Variants in YTHDC2 observed in about 807,000 individuals in gnomAD.
YTHDC2 encodes the protein 3'-5' RNA helicase YTHDC2.
YTHDC2 carries 45 observed loss-of-function variants against 174.9 expected under a neutral mutation model. The ratio of observed to expected loss-of-function variants is 0.26; its 90% CI spans 0.20 to 0.33. YTHDC2 has a LOEUF of 0.33. Ranked by LOEUF, YTHDC2 falls within the 10% of genes least tolerant of loss-of-function variation. The pLI is 1.00. For synonymous variants in YTHDC2, 657 were observed against 574.5 expected (o/e 1.14, Z -2.05); for missense variants, 1,650 against 1,723.7 (o/e 0.96, Z 0.76).
chr5:113,551,815 A>G (rs563959126), intron 12 of YTHDC2, among the ~76,000 whole-genome samples: 4 of 152,300 alleles, frequency 2.6e-5, no homozygotes, highest in Admixed American at 2.0e-4. Flanking sequence ...CCCATTGAAA[A>G]TAGTCTTACG....
In YTHDC2 at chr5:113,549,033, A is replaced by C. The variant is rs775510094; in HGVS notation, c.1688+13A>C. On this transcript the variant is annotated intron_variant, in intron 12 of 29. Coordinates refer to ENST00000161863, the MANE Select transcript of YTHDC2 (RefSeq NM_022828.5). ...TAGAATCTTACAGGTAAAACTTTGT[A>C]CTATTTTAAATTAATTCTACCGTCT... is the stretch of plus-strand genomic sequence containing the variant. 1.0e-5 allele frequency: 16 copies of C among 1,597,140 alleles called. No individual in the cohort carries two copies. The highest frequency in any genetic ancestry group is 1.4e-5 in the Non-Finnish European group (16 of 1,166,372).
At position 113,567,176 on chromosome 5, in the gene YTHDC2, T is replaced by TG. The variant is rs776887534; in HGVS notation, c.2929dup (p.Ala977GlyfsTer6). ...TGGGCTGTCGTTAAAGCTGCATTGG[T>TG]GGCAGGCATGTATCCTAATTTAGTC... On this transcript the variant is annotated frameshift_variant, in exon 22 of 30. Coordinates refer to ENST00000161863, the MANE Select transcript of YTHDC2 (RefSeq NM_022828.5). LOFTEE classifies it high-confidence loss of function. The TG allele has an allele frequency of 6.2e-7, 1 of 1,613,882 alleles. No individual in the cohort carries two copies. The highest frequency in any genetic ancestry group is 8.5e-7 in the Non-Finnish European group (1 of 1,179,936).
intron 4 of YTHDC2, among the ~76,000 whole-genome samples, chr5:113,529,801 A>G (rs1774529516): frequency 6.6e-6 from 1 of 151,696 alleles, no homozygotes; most frequent in Non-Finnish European, 1.5e-5. Flanking sequence ...TTTACTTTTT[A>G]CCTTTGTTTA....
intron 2 of YTHDC2, chr5:113,517,612 A>G: frequency 2.2e-6 from 1 of 456,300 alleles, no homozygotes; most frequent in Non-Finnish European, 4.4e-6. Context: ...AAGCAAGGCA[A>G]TCCTGCCTAT....
chr5:113,567,403 GTTATATATATAT>G (rs1561684039), intron 22 of YTHDC2, 106 bp downstream of exon 22: 39 of 333,950 alleles, frequency 1.2e-4, no homozygotes, highest in Non-Finnish European at 1.5e-4. Flanking sequence ...AAATTAATTA[GTTATATATATAT>G]ATATATATAT....
chr5:113,544,749 A>G (rs1289063733), intron 10 of YTHDC2, among the ~76,000 whole-genome samples: 3 of 151,706 alleles, frequency 2.0e-5, no homozygotes, highest in African/African-American at 4.8e-5. Flanking sequence ...TTAATATAAC[A>G]TGATATCTGG....
In YTHDC2 at chr5:113,535,632, T is replaced by C; in HGVS notation, c.946-10T>C. The C allele has an allele frequency of 1.3e-6, 2 of 1,592,962 alleles. No homozygotes were observed. The highest frequency in any genetic ancestry group is 2.3e-5 in the South Asian group (2 of 87,240). On this transcript the variant is annotated splice_polypyrimidine_tract_variant and intron_variant, in intron 6 of 29. Coordinates refer to ENST00000161863, the MANE Select transcript of YTHDC2 (RefSeq NM_022828.5). Reference sequence around the variant, plus strand: ...TAACTGTTCCATGGTTTTATTTCTGTTTACTATAGGATGAAGTGCATGAAA... The same window carrying C: ...TAACTGTTCCATGGTTTTATTTCTGCTTACTATAGGATGAAGTGCATGAAA...
chr5:113,552,106 A>C (rs1214433707), intron 12 of YTHDC2, among the ~76,000 whole-genome samples: 1 of 152,166 alleles, frequency 6.6e-6, no homozygotes, highest in Non-Finnish European at 1.5e-5. Context: ...TATAGTAGTA[A>C]ACAATTAGAT....
chr5:113,555,911 C>T (rs1358553029), intron 16 of YTHDC2, 141 bp from the exon 17 acceptor site: 1 of 481,796 alleles, frequency 2.1e-6, no homozygotes, highest in Non-Finnish European at 3.7e-6. Flanking sequence ...TATTAAAAAT[C>T]AGTACTGCTG....
chr5:113,586,357 T>G (rs2900072), intron 26 of YTHDC2, among the ~76,000 whole-genome samples: 52,713 of 151,790 alleles, frequency 0.35, 11,866 homozygotes, highest in African/African-American at 0.63. Context: ...TTGGTTTTTG[T>G]TGATTTGTCA....
chr5:113,567,961 G>T, intron 23 of YTHDC2, 112 bp downstream of exon 23: 1 of 832,252 alleles, frequency 1.2e-6, no homozygotes. Flanking sequence ...TTATATAGTA[G>T]CAGCTCTATT....
rs760167653 is a variant in YTHDC2 at position 113,548,640 on chromosome 5, A to G, written c.1595A>G (p.Asn532Ser). ...QVEQLISMGA[N>S]VHSKASNGWM... ...GAACAGTTAATCAGTATGGGAGCCA[A>G]TGTCCATAGTAAAGCATCAAATGGC... The change falls in exon 11 of 30, where the codon AAT (asparagine) becomes AGT (serine). Residue 532 changes from asparagine to serine, a missense_variant. Physicochemically the swap from Asn to Ser is conservative, Grantham distance 46. This residue lies in a region of YTHDC2 where 411 missense variants were observed against 380.6 expected (regional missense o/e 1.08). Transcript: ENST00000161863. The G allele has an allele frequency of 3.9e-5, 63 of 1,612,424 alleles. No homozygotes were observed. The highest frequency in any genetic ancestry group is 1.6e-4 in the African/African-American group (12 of 74,872).
At chr5:113,566,490 A>T (rs1349615779) in intron 21 of YTHDC2, among the ~76,000 whole-genome samples, 13 of 105,878 alleles carry the variant, frequency 1.2e-4, no homozygotes, top group African/African-American at 4.2e-4. Flanking sequence ...TATTGCTATT[A>T]CCTTTTAGAA....
At chr5:113,536,524 CA>C (rs1368481257) in intron 7 of YTHDC2, among the ~76,000 whole-genome samples, 3 of 151,392 alleles carry the variant, frequency 2.0e-5, no homozygotes, top group Admixed American at 2.0e-4. Flanking sequence ...GACTCCGTCT[CA>C]AAAAAAATAA....
At chr5:113,516,967 A>G (rs1219208828) in intron 2 of YTHDC2, among the ~76,000 whole-genome samples, 1 of 152,318 alleles carries the variant, frequency 6.6e-6, no homozygotes, top group East Asian at 1.9e-4. Context: ...ATAGTCCACT[A>G]GGTAGGTAAA....
At chr5:113,528,299 G>A (rs2910018) in intron 4 of YTHDC2, among the ~76,000 whole-genome samples, 94,410 of 152,010 alleles carry the variant, frequency 0.62, 31,854 homozygotes, top group African/African-American at 0.9. Context: ...AGAAGAAACT[G>A]TTAATTTAAT....
chr5:113,567,049 T>C (rs1378039272), intron 21 of YTHDC2, 43 bp from the exon 22 acceptor site: 9 of 1,584,514 alleles, frequency 5.7e-6, no homozygotes, highest in Middle Eastern at 1.7e-4. Context: ...CAAAAGTATC[T>C]TTTGCACAAT....
intron 16 of YTHDC2, among the ~76,000 whole-genome samples, chr5:113,555,546 G>A (rs1776548734): frequency 6.6e-6 from 1 of 152,144 alleles, no homozygotes; most frequent in Non-Finnish European, 1.5e-5. Flanking sequence ...AACTTTGTTA[G>A]TAGCTCAGCA....
At chr5:113,586,881 A>C (rs1163861601) in intron 26 of YTHDC2, among the ~76,000 whole-genome samples, 1 of 135,846 alleles carries the variant, frequency 7.4e-6, no homozygotes, top group Non-Finnish European at 1.6e-5. Flanking sequence ...CTCTATATAT[A>C]TATATAATAT....
Sources: allele counts gnomAD v4.1 joint callset (sites outside exome capture counted in the v4.1 genomes callset), GRCh38; gene constraint gnomAD v4.1.1; regional missense constraint gnomAD v4.1.1; transcripts MANE v1.5; gene names NCBI Gene and HGNC (gene_info 2026-07-23, HGNC 2026-07-21).